Variants in TENM2 observed in about 807,000 individuals in gnomAD.
The protein encoded by TENM2 is teneurin-2.
In TENM2, 52 loss-of-function variants were observed where a neutral mutation model predicts 245.2. The ratio of observed to expected loss-of-function variants is 0.21; its 90% CI spans 0.17 to 0.27. The LOEUF is 0.27. Ranked by LOEUF, TENM2 falls within the 10% of genes least tolerant of loss-of-function variation. TENM2 has a pLI of 1.00. For missense variants in TENM2, 3,046 were observed against 3,666.8 expected (o/e 0.83, Z 4.37); for synonymous variants, 1,363 against 1,438.9 (o/e 0.95, Z 1.19).
At chr5:167,770,081 A>G (rs1016249890) in intron 2 of TENM2, among the ~76,000 whole-genome samples, 1 of 152,208 alleles carries the variant, frequency 6.6e-6, no homozygotes, top group Non-Finnish European at 1.5e-5. Context: ...AACACATTGC[A>G]TCAGGATAGC....
At chr5:167,096,150 T>C in the TENM2 span, among the ~76,000 whole-genome samples, 5 of 152,166 alleles carry the variant, frequency 3.3e-5, no homozygotes, top group Admixed American at 6.5e-5. Flanking sequence ...TATATATATG[T>C]ATATTTATGG....
chr5:167,611,573 G>C, intron 2 of TENM2, among the ~76,000 whole-genome samples: 1 of 152,160 alleles, frequency 6.6e-6, no homozygotes, highest in East Asian at 1.9e-4. Flanking sequence ...GAAGTAGTTA[G>C]AGGATATTTA....
At chr5:168,179,617 G>A (rs1489501211) in intron 13 of TENM2, among the ~76,000 whole-genome samples, 1 of 152,188 alleles carries the variant, frequency 6.6e-6, no homozygotes, top group African/African-American at 2.4e-5. Context: ...GCTCCTGTGT[G>A]TTGGACACTC....
intron 6 of TENM2, among the ~76,000 whole-genome samples, chr5:168,059,735 G>C (rs1393657411): frequency 6.6e-6 from 1 of 152,028 alleles, no homozygotes; most frequent in African/African-American, 2.4e-5. Context: ...TGATCAACTT[G>C]TTGTGATAAC....
At chr5:167,567,528 A>G (rs1773984994) in intron 2 of TENM2, among the ~76,000 whole-genome samples, 1 of 152,166 alleles carries the variant, frequency 6.6e-6, no homozygotes. Context: ...TTAGCTGCCC[A>G]TGGGTCAACA....
chr5:167,550,223 G>T (rs1353856952), intron 2 of TENM2, among the ~76,000 whole-genome samples: 1 of 152,116 alleles, frequency 6.6e-6, no homozygotes, highest in Non-Finnish European at 1.5e-5. Context: ...AGCATATGGT[G>T]CAGTGAATAT....
chr5:167,750,106 C>A (rs1204896439), intron 2 of TENM2, among the ~76,000 whole-genome samples: 2 of 152,070 alleles, frequency 1.3e-5, no homozygotes, highest in Non-Finnish European at 2.9e-5. Context: ...ATGTTAATGG[C>A]CCACCTCGAG....
At position 168,133,937 on chromosome 5, in the gene TENM2, T is replaced by C. The variant is rs1037614061; in HGVS notation, c.2422+6971T>C. Reference sequence around the variant, plus strand: ...TGGGAAGCTGGGGCAGGCAGATCACTTGAGGTCAGGAGTTTGAGACCAGCC... The same window carrying C: ...TGGGAAGCTGGGGCAGGCAGATCACCTGAGGTCAGGAGTTTGAGACCAGCC... On this transcript the variant is annotated intron_variant, in intron 12 of 28. Coordinates refer to ENST00000518659, the Ensembl canonical transcript of TENM2. Among the ~76,000 whole-genome samples the C allele has an allele frequency of 2.6e-5, 4 of 151,586 alleles. No homozygotes were observed. In the South Asian group the frequency reaches 8.3e-4, roughly 32 times the overall value.
At chr5:167,145,826 T>C in the TENM2 span, among the ~76,000 whole-genome samples, 1 of 152,200 alleles carries the variant, frequency 6.6e-6, no homozygotes, top group Admixed American at 6.5e-5. Context: ...TCTTCTGGGA[T>C]GATAGTCCAT....
chr5:168,200,057 A>G, exon 17 of TENM2: 3 of 1,613,758 alleles, frequency 1.9e-6, no homozygotes, highest in Admixed American at 3.3e-5. Context: ...GCTTCTCCCA[A>G]CCTGGCCTAC....
intron 12 of TENM2, among the ~76,000 whole-genome samples, chr5:168,143,862 T>G (rs1467402249): frequency 8.3e-6 from 1 of 121,072 alleles, no homozygotes; most frequent in Non-Finnish European, 1.8e-5. Flanking sequence ...TTTTTTTTTT[T>G]TTTTGAGACA....
At chr5:167,059,963 A>G in the TENM2 span, among the ~76,000 whole-genome samples, 127 of 152,234 alleles carry the variant, frequency 8.3e-4, no homozygotes, top group Non-Finnish European at 1.2e-3. Context: ...TCAGCCTCCC[A>G]AAGTGCTGGG....
intron 1 of TENM2, among the ~76,000 whole-genome samples, chr5:167,353,675 T>TC (rs1294296521): frequency 6.6e-6 from 1 of 151,378 alleles, no homozygotes; most frequent in Non-Finnish European, 1.5e-5. Flanking sequence ...GCCCGGCTAA[T>TC]TTTTTGTATT....
At chr5:167,796,456 C>T (rs1765324787) in intron 2 of TENM2, among the ~76,000 whole-genome samples, 1 of 152,180 alleles carries the variant, frequency 6.6e-6, no homozygotes, top group South Asian at 2.1e-4. Context: ...CTTGCTCTTC[C>T]TTCTGTACCT....
intron 12 of TENM2, among the ~76,000 whole-genome samples, chr5:168,155,667 A>G (rs1478346879): frequency 2.0e-5 from 3 of 152,104 alleles, no homozygotes; most frequent in Non-Finnish European, 2.9e-5. Flanking sequence ...TTGAAAAAGG[A>G]TGGGTTCTTG....
At chr5:167,639,970 G>C (rs576539718) in intron 2 of TENM2, among the ~76,000 whole-genome samples, 2 of 152,158 alleles carry the variant, frequency 1.3e-5, no homozygotes. Flanking sequence ...TTGCATCTAT[G>C]ATTTGTCACC....
chr5:167,040,203 T>A, the TENM2 span, among the ~76,000 whole-genome samples: 1 of 152,082 alleles, frequency 6.6e-6, no homozygotes, highest in East Asian at 2.0e-4. Flanking sequence ...TTTCTAGGAA[T>A]GGTGTTCCTG....
At chr5:167,325,248 G>A (rs1026521526) in intron 1 of TENM2, among the ~76,000 whole-genome samples, 3 of 152,258 alleles carry the variant, frequency 2.0e-5, no homozygotes, top group South Asian at 2.1e-4. Flanking sequence ...TTTAAATAGA[G>A]CGTTTCAGTA....
In TENM2 at chr5:168,254,302, G is replaced by A. The variant is rs917563815; in HGVS notation, c.7432+5931G>A. ...CCAGATAACACCAATTACTTCTAAAGGAGGAGGGGTGTTGTGTTGTCTCAG... is the reference window on the plus strand; with the variant it reads ...CCAGATAACACCAATTACTTCTAAAAGAGGAGGGGTGTTGTGTTGTCTCAG... On this transcript the variant is annotated intron_variant, in intron 27 of 28. Coordinates refer to ENST00000518659, the Ensembl canonical transcript of TENM2. Among the ~76,000 whole-genome samples the A allele has an allele frequency of 5.3e-5, 8 of 152,348 alleles. No homozygotes were observed. In the South Asian group the frequency reaches 1.0e-3, roughly 20 times the overall value.
Sources: allele counts gnomAD v4.1 joint callset (sites outside exome capture counted in the v4.1 genomes callset), GRCh38; gene constraint gnomAD v4.1.1; transcripts MANE v1.5; gene names NCBI Gene and HGNC (gene_info 2026-07-23, HGNC 2026-07-21).